THSD4: variants seen among roughly 807,000 people sequenced by gnomAD.
THSD4 encodes the protein thrombospondin type 1 domain containing 4.
A neutral mutation model predicts 119.0 loss-of-function variants in THSD4; 69 were observed. That is an observed-to-expected ratio of 0.58 (90% CI 0.48 to 0.71). THSD4 has a LOEUF of 0.71. THSD4 is among the 30% of genes least tolerant of loss of function. The pLI is 0.00. For missense variants in THSD4, 1,393 were observed against 1,391.1 expected, an observed-to-expected ratio of 1.00 and a Z score of -0.02; for synonymous variants, 524 against 540.4, an observed-to-expected ratio of 0.97 and a Z score of 0.42.
intron 6 of THSD4, among the ~76,000 whole-genome samples, chr15:71,392,650 A>G (rs752000820): frequency 6.6e-6 from 1 of 152,190 alleles, no homozygotes; most frequent in Non-Finnish European, 1.5e-5. Context: ...GGCCTTGGCT[A>G]TGGAACCATA....
chr15:71,564,564 A>G (rs1595888686), intron 7 of THSD4, among the ~76,000 whole-genome samples: 1 of 152,054 alleles, frequency 6.6e-6, no homozygotes, highest in Middle Eastern at 3.4e-3. Context: ...CTTGAGACTC[A>G]GATGTGTTTC....
At chr15:71,224,606 A>G (rs952398444) in intron 4 of THSD4, among the ~76,000 whole-genome samples, 1 of 152,140 alleles carries the variant, frequency 6.6e-6, no homozygotes, top group Non-Finnish European at 1.5e-5. Flanking sequence ...ACACCAGTTT[A>G]TTTGCTTACA....
intron 8 of THSD4, among the ~76,000 whole-genome samples, chr15:71,666,718 A>G (rs554158636): frequency 6.6e-6 from 1 of 152,380 alleles, no homozygotes; most frequent in South Asian, 2.1e-4. Context: ...TGAAAATTAA[A>G]ATTTAAAACT....
chr15:71,618,568 T>G (rs774214899), intron 7 of THSD4, among the ~76,000 whole-genome samples: 2 of 152,168 alleles, frequency 1.3e-5, no homozygotes, highest in African/African-American at 2.4e-5. Flanking sequence ...AACAAAAGGT[T>G]CTTCAACATT....
chr15:71,173,696 G>T (rs1166738951), intron 3 of THSD4, among the ~76,000 whole-genome samples: 1 of 151,350 alleles, frequency 6.6e-6, no homozygotes, highest in Non-Finnish European at 1.5e-5. Flanking sequence ...GAGTCTCAAA[G>T]GACCCCAAAT....
Position 71,215,374 on chromosome 15 carries a change from G to A in THSD4, c.439G>A (p.Gly147Ser). Residue 147 changes from glycine to serine, a missense_variant, in exon 4 of 18, where the codon GGC (glycine) becomes AGC (serine). Transcript: ENST00000261862. ...LRGSRHPQPQ[G>S]LEVTGDRRSR... ...AGGCAGCCGGCACCCACAGCCCCAG[G>A]GCCTCGAAGTCACTGGGGACAGAAG... 1.3e-6 allele frequency: 2 copies of A among 1,531,626 alleles called. No homozygotes were observed. Among genetic ancestry groups the A allele is most frequent in the Non-Finnish European group, 8.7e-7 (1 of 1,144,976 alleles). 94.9% of individuals were successfully genotyped at this position (1,531,626 alleles called of 1,614,324 possible). A position where few individuals can be genotyped will look rare whatever the true frequency, so the allele number is the denominator to read the frequency against.
intron 7 of THSD4, among the ~76,000 whole-genome samples, chr15:71,566,436 T>G (rs2049241411): frequency 6.6e-6 from 1 of 152,294 alleles, no homozygotes; most frequent in South Asian, 2.1e-4. Flanking sequence ...GATACTCTCC[T>G]TTAATCTCCA....
chr15:71,376,691 T>C (rs2046141181), intron 6 of THSD4, among the ~76,000 whole-genome samples: 1 of 152,154 alleles, frequency 6.6e-6, no homozygotes, highest in African/African-American at 2.4e-5. Context: ...GTGCTAGTTA[T>C]CCAAGAAAGG....
intron 6 of THSD4, among the ~76,000 whole-genome samples, chr15:71,353,518 C>G (rs1376292695): frequency 6.6e-6 from 1 of 152,160 alleles, no homozygotes; most frequent in East Asian, 1.9e-4. Flanking sequence ...AGGATAAGTT[C>G]TTACATCTGA....
At chr15:71,647,980 T>A (rs2051004683) in intron 7 of THSD4, among the ~76,000 whole-genome samples, 2 of 152,138 alleles carry the variant, frequency 1.3e-5, no homozygotes, top group South Asian at 2.1e-4. Flanking sequence ...AGCGTATAGG[T>A]GGCCCTTGGT....
At chr15:71,203,944 TCTG>T (rs1411111168) in intron 3 of THSD4, among the ~76,000 whole-genome samples, 1 of 152,204 alleles carries the variant, frequency 6.6e-6, no homozygotes, top group African/African-American at 2.4e-5. Flanking sequence ...GGCAGACTCT[TCTG>T]CTAGAAGATT....
chr15:71,619,407 C>G (rs2050380764), intron 7 of THSD4, among the ~76,000 whole-genome samples: 1 of 152,140 alleles, frequency 6.6e-6, no homozygotes, highest in Non-Finnish European at 1.5e-5. Flanking sequence ...CCCAGGAGAG[C>G]CAGGATAGTT....
intron 6 of THSD4, among the ~76,000 whole-genome samples, chr15:71,320,217 A>G (rs1469902670): frequency 6.6e-6 from 1 of 152,122 alleles, no homozygotes; most frequent in African/African-American, 2.4e-5. Context: ...CATGATAACC[A>G]TTTCTCAGTT....
At chr15:71,344,515 G>T (rs2045629123) in intron 6 of THSD4, among the ~76,000 whole-genome samples, 1 of 152,036 alleles carries the variant, frequency 6.6e-6, no homozygotes, top group Admixed American at 6.5e-5. Context: ...CACGCCTCAG[G>T]GAGCATACAT....
At chr15:71,284,109 T>C (rs1316343418) in intron 6 of THSD4, among the ~76,000 whole-genome samples, 1 of 152,174 alleles carries the variant, frequency 6.6e-6, no homozygotes, top group Non-Finnish European at 1.5e-5. Flanking sequence ...ACCCTGGAAA[T>C]GTGGCCCCAA....
intron 4 of THSD4, among the ~76,000 whole-genome samples, chr15:71,242,134 G>T (rs2044158466): frequency 6.6e-6 from 1 of 152,110 alleles, no homozygotes; most frequent in African/African-American, 2.4e-5. Flanking sequence ...GCTTATCTAA[G>T]TTCCATTACG....
At chr15:71,437,621 T>C (rs2047030280) in intron 7 of THSD4, among the ~76,000 whole-genome samples, 1 of 152,216 alleles carries the variant, frequency 6.6e-6, no homozygotes, top group African/African-American at 2.4e-5. Flanking sequence ...CAGTCCAGCA[T>C]GTTAAAGTGC....
chr15:71,165,984 G>T (rs2043291442), intron 3 of THSD4, among the ~76,000 whole-genome samples: 1 of 152,160 alleles, frequency 6.6e-6, no homozygotes, highest in African/African-American at 2.4e-5. Context: ...TAGGGAGAGG[G>T]AGGTGAGACA....
intron 7 of THSD4, among the ~76,000 whole-genome samples, chr15:71,607,136 C>T (rs1319575910): frequency 6.6e-6 from 1 of 152,128 alleles, no homozygotes; most frequent in South Asian, 2.1e-4. Context: ...ACCAGAGAGC[C>T]GTTATGCCTA....
Sources: allele counts gnomAD v4.1 joint callset (sites outside exome capture counted in the v4.1 genomes callset), GRCh38; gene constraint gnomAD v4.1.1; transcripts MANE v1.5; gene names NCBI Gene and HGNC (gene_info 2026-07-23, HGNC 2026-07-21).